The following FURIN variants were observed in gnomAD, a reference collection of about 807,000 sequenced individuals.
The protein encoded by FURIN is furin, paired basic amino acid cleaving enzyme.
In FURIN, 18 loss-of-function variants were observed where a neutral mutation model predicts 89.2. The observed-to-expected ratio is 0.20, with a 90% CI of 0.14 to 0.30. The LOEUF is 0.30. Ranked by LOEUF, FURIN falls within the 10% of genes least tolerant of loss-of-function variation. The pLI, the probability that FURIN is intolerant of heterozygous loss-of-function variation, is 1.00. For synonymous variants in FURIN, 508 were observed against 466.4 expected (o/e 1.09, Z -1.15); for missense variants, 879 against 1,100.5 (o/e 0.80, Z 2.85).
rs936687858 is a variant in FURIN at position 90,876,153 on chromosome 15, G to A, written c.178-102G>A. 1.5e-5 allele frequency: 13 copies of A among 876,704 alleles called. No homozygotes were observed. The highest frequency in any genetic ancestry group is 8.2e-5 in the African/African-American group (5 of 60,936). 54.3% of individuals were successfully genotyped at this position (876,704 alleles called of 1,614,324 possible). On this transcript the variant is annotated intron_variant, in intron 2 of 15. Transcript: ENST00000268171. This position sits in a 1 kb window ranked among gnomAD's most constrained non-coding sequence, Gnocchi z 5.0. ...CAGGGAGCAGATGCCCCGCACCCCCGACCGTGGCGAGCCTCCCATGAAGCC... is the reference window on the plus strand; with the variant it reads ...CAGGGAGCAGATGCCCCGCACCCCCAACCGTGGCGAGCCTCCCATGAAGCC...
chr15:90,870,069 G>A (rs1330313467), intron 1 of FURIN, among the ~76,000 whole-genome samples: 1 of 152,208 alleles, frequency 6.6e-6, no homozygotes, highest in Non-Finnish European at 1.5e-5. Context: ...CAACTTTGAG[G>A]ACCCAGCATT....
chr15:90,875,735 C>A lies in FURIN; in HGVS notation c.-6C>A. 2.0e-6 allele frequency: 3 copies of A among 1,533,258 alleles called. No individual in the cohort carries two copies. Among genetic ancestry groups the A allele is most frequent in the South Asian group, 1.2e-5 (1 of 81,714 alleles). The allele number at this position is 1,533,258 out of a possible 1,614,324, so 95.0% of individuals were successfully genotyped here. A position where few individuals can be genotyped will look rare whatever the true frequency, so the allele number is the denominator to read the frequency against. The stretch of plus-strand genomic sequence containing the variant: ...CGCTCCAGGGTCCCAGCCACCTGTC[C>A]CCCCCATGGAGCTGAGGCCCTGGTT... On this transcript the variant is annotated 5_prime_UTR_variant, in exon 2 of 16. Transcript: ENST00000268171.
Position 90,880,912 on chromosome 15 carries a change from C to T in FURIN, c.1682-18C>T, listed in dbSNP as rs778935133. ...CCAGCACTGTCTTAACTCTTGCCTC[C>T]TCCCCGCTCTGGAACAGGGACGCTG... On this transcript the variant is annotated intron_variant, in intron 14 of 15. Transcript: ENST00000268171. 5 of 1,611,734 alleles carry T rather than the reference C, an allele frequency of 3.1e-6. No homozygotes were observed. In the South Asian group the frequency reaches 3.3e-5, roughly 11 times the overall value.
chr15:90,878,103 C>T, intron 7 of FURIN, 29 bp from the exon 8 acceptor site: 1 of 1,611,758 alleles, frequency 6.2e-7, no homozygotes, highest in Non-Finnish European at 8.5e-7. Context: ...CATGCAGCAT[C>T]CCTCTTCGTG....
Position 90,879,488 on chromosome 15 carries a change from C to T in FURIN, c.1098C>T (p.Gly366=), listed in dbSNP as rs747478801. The T allele has an allele frequency of 2.9e-5, 47 of 1,613,456 alleles. No individual in the cohort carries two copies. The highest frequency in any genetic ancestry group is 4.0e-5 in the African/African-American group (3 of 74,908). Residue 366 remains glycine, a synonymous_variant, in exon 10 of 16, where the codon GGC becomes GGT. Coordinates refer to ENST00000268171, the MANE Select transcript of FURIN (RefSeq NM_002569.4). ...LRQKCTESHT[G]TSASAPLAAG... is the part of the protein sequence containing the mutation. ...AGAAGTGCACGGAGTCTCACACGGG[C>T]ACCTCAGCCTCTGCCCCCTTAGCAG... is the stretch of plus-strand genomic sequence containing the variant.
At chr15:90,878,021 C>A (rs527378087) in intron 7 of FURIN, 111 bp from the exon 8 acceptor site, 3 of 1,019,688 alleles carry the variant, frequency 2.9e-6, no homozygotes, top group African/African-American at 3.2e-5. Context: ...CAGCCTCCAC[C>A]CTTCCCTTAC....
At position 90,873,914 on chromosome 15, in the gene FURIN, G is replaced by A. The variant is rs545674559; in HGVS notation, c.-159-1668G>A. 3.9e-5 allele frequency among the ~76,000 whole-genome samples: 6 copies of A among 152,346 alleles called. No homozygotes were observed. In the East Asian group the frequency reaches 1.2e-3, roughly 29 times the overall value. On this transcript the variant is annotated intron_variant, in intron 1 of 15. Coordinates refer to ENST00000268171, the MANE Select transcript of FURIN (RefSeq NM_002569.4). ...TGCAGGGTGGGACTGCAGCAGTCAG[G>A]GAGGCCGGTTGTGTCTAAGGGCAGC...
At chr15:90,869,411 A>AT (rs948815885) in intron 1 of FURIN, among the ~76,000 whole-genome samples, 2 of 152,112 alleles carry the variant, frequency 1.3e-5, no homozygotes, top group Non-Finnish European at 2.9e-5. Flanking sequence ...GTCAAATGGG[A>AT]TTTTTTTCCA....
rs187215304 is a variant in FURIN, at chr15:90,880,608, G to A, written c.1557-83G>A. 76 of 1,466,652 alleles carry A rather than the reference G, an allele frequency of 5.2e-5. No homozygotes were observed. The Admixed American group carries it at 1.0e-3, about 20-fold the overall frequency. 90.9% of individuals were successfully genotyped at this position (1,466,652 alleles called of 1,614,324 possible). ...GGGTTGGTCTGCGTGGGGGAAGGGT[G>A]TGTGGCCCATGTGCTGTGGGTTAGA... is the stretch of plus-strand genomic sequence containing the variant. On this transcript the variant is annotated intron_variant, in intron 13 of 15. Coordinates refer to ENST00000268171, the MANE Select transcript of FURIN (RefSeq NM_002569.4).
chr15:90,877,687 C>G lies in FURIN; in HGVS notation c.667+72C>G, dbSNP rs1041754386. On this transcript the variant is annotated intron_variant, in intron 7 of 15. Coordinates refer to ENST00000268171, the MANE Select transcript of FURIN (RefSeq NM_002569.4). ...GGAATTTTTCCCGCCCACTTCCCAT[C>G]TGGCCAATGCCTGCCACTTTCCCAC... The G allele has an allele frequency of 3.9e-6, 4 of 1,034,950 alleles. No homozygotes were observed. The African/African-American group carries it at 6.4e-5, about 16-fold the overall frequency. 64.1% of individuals were successfully genotyped at this position (1,034,950 alleles called of 1,614,324 possible). A position where few individuals can be genotyped will look rare whatever the true frequency, so the allele number is the denominator to read the frequency against.
chr15:90,875,805 C>CTT lies in FURIN; in HGVS notation c.66_67insTT (p.Asp23LeufsTer51). ...ACAGGAACCTTGGTCCTGCTAGCAGCTGATGCTCAGGGCCAGAAGGTCTTC... is the reference window on the plus strand; with the variant it reads ...ACAGGAACCTTGGTCCTGCTAGCAGCTTTGATGCTCAGGGCCAGAAGGTCTTC... On this transcript the variant is annotated frameshift_variant, in exon 2 of 16. Coordinates refer to ENST00000268171, the MANE Select transcript of FURIN (RefSeq NM_002569.4). LOFTEE classifies it high-confidence loss of function. 1 of 1,562,262 alleles carries CTT rather than the reference C, an allele frequency of 6.4e-7. No homozygotes were observed. Among genetic ancestry groups the CTT allele is most frequent in the Non-Finnish European group, 8.7e-7 (1 of 1,152,374 alleles).
intron 13 of FURIN, 75 bp from the exon 14 acceptor site, chr15:90,880,616 C>A (rs1356574724): frequency 6.7e-7 from 1 of 1,502,816 alleles, no homozygotes. Flanking sequence ...GTGTGTGGCC[C>A]ATGTGCTGTG....
intron 1 of FURIN, chr15:90,871,588 C>A (rs1388793621): frequency 6.4e-4 from 2 of 3,112 alleles, no homozygotes; most frequent in Admixed American, 3.2e-3. Flanking sequence ...AAAAGTTTCC[C>A]CGCCAGGGCT....
chr15:90,880,996 A>C lies in FURIN; in HGVS notation c.1748A>C (p.Glu583Ala). The change falls in exon 15 of 16, where the codon GAA becomes GCA. Residue 583 changes from glutamate (E) to alanine (A), a missense_variant. Around this residue, in one of 5 missense-constraint regions of FURIN, gnomAD observed 457 missense variants for 490.7 expected, o/e 0.93. Coordinates refer to ENST00000268171, the MANE Select transcript of FURIN (RefSeq NM_002569.4). ...TAPEGLPVPP[E>A]SSGCKTLTSS... ...CCTGAGGGGCTGCCCGTACCTCCAG[A>C]AAGCAGTGGCTGCAAGACCCTCACG... 1 of 1,614,060 alleles carries C rather than the reference A, an allele frequency of 6.2e-7. No homozygotes were observed. The highest frequency in any genetic ancestry group is 8.5e-7 in the Non-Finnish European group (1 of 1,179,934).
chr15:90,871,326 C>CCGGGGGCGGGGGCA (rs1467074301), intron 1 of FURIN, among the ~76,000 whole-genome samples: 1 of 152,036 alleles, frequency 6.6e-6, no homozygotes, highest in Non-Finnish European at 1.5e-5. Context: ...AGAGCCGAGC[C>CCGGGGGCGGGGGCA]CGGGGGCGGG....
chr15:90,882,788 G>A lies in FURIN; in HGVS notation c.*910G>A, dbSNP rs557378105. The A allele has an allele frequency of 6.5e-6, 1 of 152,794 alleles. No homozygotes were observed. Among genetic ancestry groups the A allele is most frequent in the East Asian group, 1.9e-4 (1 of 5,190 alleles). The allele number at this position is 152,794 out of a possible 1,614,324, so 9.5% of individuals were successfully genotyped here. A position where few individuals can be genotyped will look rare whatever the true frequency, so the allele number is the denominator to read the frequency against. On this transcript the variant is annotated 3_prime_UTR_variant, in exon 16 of 16. Transcript: ENST00000268171. Reference sequence around the variant, plus strand: ...TGATTATTTCACTTTAGATGCTGATGATTTGTTTTTGTATTTTTAATGGGG... The same window carrying A: ...TGATTATTTCACTTTAGATGCTGATAATTTGTTTTTGTATTTTTAATGGGG...
Position 90,876,119 on chromosome 15 carries a change from G to T in FURIN, c.178-136G>T, listed in dbSNP as rs2031604176. On this transcript the variant is annotated intron_variant, in intron 2 of 15. Coordinates refer to ENST00000268171, the MANE Select transcript of FURIN (RefSeq NM_002569.4). The surrounding 1 kb of genome is among the most constrained non-coding windows in gnomAD (Gnocchi z 5.0). ...TCCTCATGGTCCCCGCATTTTGCTG[G>T]GTCCCGGACAGGGAGCAGATGCCCC... The T allele has an allele frequency of 1.3e-6, 1 of 779,984 alleles. No individual in the cohort carries two copies. The highest frequency in any genetic ancestry group is 2.2e-6 in the Non-Finnish European group (1 of 459,634). The allele number at this position is 779,984 out of a possible 1,614,324, so 48.3% of individuals were successfully genotyped here. A position where few individuals can be genotyped will look rare whatever the true frequency, so the allele number is the denominator to read the frequency against.
intron 1 of FURIN, among the ~76,000 whole-genome samples, chr15:90,872,581 A>G (rs952118721): frequency 7.9e-5 from 12 of 152,158 alleles, no homozygotes; most frequent in Admixed American, 4.6e-4. Context: ...TTGGGCTTCT[A>G]CGGAGCATTT....
intron 1 of FURIN, among the ~76,000 whole-genome samples, chr15:90,870,177 A>ATT (rs1376049616): frequency 6.6e-6 from 1 of 152,210 alleles, no homozygotes; most frequent in Admixed American, 6.5e-5. Context: ...AGAGGGGTAA[A>ATT]TTGAGGAAGT....
Sources: allele counts gnomAD v4.1 joint callset (sites outside exome capture counted in the v4.1 genomes callset), GRCh38; gene constraint gnomAD v4.1.1; regional missense constraint gnomAD v4.1.1; non-coding constraint Gnocchi (gnomAD v3.1); transcripts MANE v1.5; gene names NCBI Gene and HGNC (gene_info 2026-07-23, HGNC 2026-07-21).